The following CACNA1H variants were observed in gnomAD, a reference collection of about 807,000 sequenced individuals.
The protein encoded by CACNA1H is calcium voltage-gated channel subunit alpha1 H.
CACNA1H carries 149 observed loss-of-function variants against 192.5 expected under a neutral mutation model. That is an observed-to-expected ratio of 0.77 (90% CI 0.68 to 0.89). CACNA1H has a LOEUF of 0.89. Ranked by LOEUF, CACNA1H falls within the 40% of genes least tolerant of loss-of-function variation. The pLI, the probability that CACNA1H is intolerant of heterozygous loss-of-function variation, is 0.00. For missense variants in CACNA1H, 4,257 were observed against 3,423.5 expected (o/e 1.24, Z -6.08); for synonymous variants, 2,202 against 1,475.2 (o/e 1.49, Z -11.29).
intron 11 of CACNA1H, 120 bp downstream of exon 11, chr16:1,205,385 C>T (rs1968567109): frequency 2.6e-6 from 3 of 1,136,330 alleles, no homozygotes; most frequent in African/African-American, 1.6e-5. Context: ...CTCTTTATGA[C>T]AGGCCGTGGG....
chr16:1,218,919 G>A, intron 33 of CACNA1H, 51 bp from the exon 34 acceptor site: 2 of 1,538,124 alleles, frequency 1.3e-6, no homozygotes, highest in Non-Finnish European at 1.8e-6. Context: ...GGTGGCAGCT[G>A]GGCAGGAAGG....
chr16:1,197,563 C>T (rs1967134709), intron 5 of CACNA1H, among the ~76,000 whole-genome samples: 1 of 152,352 alleles, frequency 6.6e-6, no homozygotes, highest in African/African-American at 2.4e-5. Context: ...ACGCTCAGGG[C>T]TGCATCCTGT....
At chr16:1,187,279 C>A (rs879885670) in intron 2 of CACNA1H, among the ~76,000 whole-genome samples, 23 of 152,228 alleles carry the variant, frequency 1.5e-4, no homozygotes, top group African/African-American at 5.3e-4. Flanking sequence ...GCCTTGGCAC[C>A]CTCTACCCAG....
intron 2 of CACNA1H, among the ~76,000 whole-genome samples, chr16:1,189,729 C>T (rs1490307994): frequency 6.6e-6 from 1 of 152,064 alleles, no homozygotes; most frequent in Non-Finnish European, 1.5e-5. Flanking sequence ...AGCCTGAGAG[C>T]ACTGATTATA....
Position 1,202,155 on chromosome 16 carries a change from G to C in CACNA1H, c.1705G>C (p.Ala569Pro). 1.3e-6 allele frequency: 2 copies of C among 1,550,738 alleles called. No homozygotes were observed. The highest frequency in any genetic ancestry group is 8.7e-7 in the Non-Finnish European group (1 of 1,147,648). ...TTCCCCAGGCCGCGGACCCCCCGAC[G>C]CAGAGTCTGTGCACAGCATCTACCA... ...PPSPGRGPPDAESVHSIYHAD... is the reference protein window; with the variant it reads ...PPSPGRGPPDPESVHSIYHAD... Residue 569 changes from alanine to proline, a missense_variant, in exon 9 of 35, where the codon GCA becomes CCA. By Grantham distance (27) the Ala-to-Pro change is conservative. Coordinates refer to ENST00000348261, the MANE Select transcript of CACNA1H (RefSeq NM_021098.3).
chr16:1,221,736 C>T lies in CACNA1H; in HGVS notation c.*742C>T, dbSNP rs943871168. On this transcript the variant is annotated 3_prime_UTR_variant, in exon 35 of 35. Coordinates refer to ENST00000348261, the MANE Select transcript of CACNA1H (RefSeq NM_021098.3). The stretch of plus-strand genomic sequence containing the variant: ...AGCTTCTCAAGGGAGAGGGAGGGGG[C>T]GGAGCGGAATAAATAGTAACTTATT... 45 of 1,490,610 alleles carry T rather than the reference C, an allele frequency of 3.0e-5. No individual in the cohort carries two copies. The highest frequency in any genetic ancestry group is 8.3e-5 in the African/African-American group (6 of 72,346). 92.3% of individuals were successfully genotyped at this position (1,490,610 alleles called of 1,614,324 possible).
chr16:1,170,770 C>T (rs1388386499), intron 2 of CACNA1H, among the ~76,000 whole-genome samples: 1 of 152,184 alleles, frequency 6.6e-6, no homozygotes, highest in Non-Finnish European at 1.5e-5. Context: ...GGCCAGGAGA[C>T]CAGGGCATGA....
At chr16:1,184,486 T>C (rs1965785283) in intron 2 of CACNA1H, among the ~76,000 whole-genome samples, 1 of 152,248 alleles carries the variant, frequency 6.6e-6, no homozygotes, top group South Asian at 2.1e-4. Flanking sequence ...CCTGGGCTGC[T>C]CGTTTCCCGG....
intron 2 of CACNA1H, chr16:1,159,435 G>C (rs1190907595): frequency 6.6e-6 from 1 of 152,604 alleles, no homozygotes; most frequent in African/African-American, 2.4e-5. Context: ...TGAGAGGGAG[G>C]GTGAGGGGCA....
chr16:1,196,017 G>A lies in CACNA1H; in HGVS notation c.637G>A (p.Val213Met), dbSNP rs772154386. The change falls in exon 5 of 35, where the codon GTG becomes ATG. Residue 213 changes from valine (V) to methionine (M), a missense_variant. Coordinates refer to ENST00000348261, the MANE Select transcript of CACNA1H (RefSeq NM_021098.3). ...GCGGCCCCTCCGCGCCATCAACCGC[G>A]TGCCTAGTAAGTGACCGGCCCCGAC... ...VLRPLRAINR[V>M]PSMRILVTLL... 9.9e-6 allele frequency: 16 copies of A among 1,612,236 alleles called. No individual in the cohort carries two copies. Among genetic ancestry groups the A allele is most frequent in the African/African-American group, 8.0e-5 (6 of 74,936 alleles).
rs551130266 is a variant in CACNA1H, at chr16:1,212,464, G to A, written c.4760-47G>A. ...GGAGAGCAGGGAGGGCTCCAGGCCCGAGTGCGCCACGCCCTCGGCCCTCAG... is the reference window on the plus strand; with the variant it reads ...GGAGAGCAGGGAGGGCTCCAGGCCCAAGTGCGCCACGCCCTCGGCCCTCAG... On this transcript the variant is annotated intron_variant, in intron 25 of 34. Coordinates refer to ENST00000348261, the MANE Select transcript of CACNA1H (RefSeq NM_021098.3). 3.2e-5 allele frequency: 51 copies of A among 1,584,588 alleles called. 1 individual carries two copies. In the South Asian group the frequency reaches 4.2e-4, roughly 13 times the overall value.
chr16:1,182,591 C>T (rs537855438), intron 2 of CACNA1H, among the ~76,000 whole-genome samples: 1 of 152,300 alleles, frequency 6.6e-6, no homozygotes, highest in Non-Finnish European at 1.5e-5. Context: ...GCGGCTGGCT[C>T]CGGCCACGTT....
At chr16:1,165,072 G>A (rs776594968) in intron 2 of CACNA1H, among the ~76,000 whole-genome samples, 1 of 152,298 alleles carries the variant, frequency 6.6e-6, no homozygotes, top group East Asian at 1.9e-4. Flanking sequence ...TCACCTGACC[G>A]GGGCAAGGAG....
chr16:1,158,478 C>G (rs975591674), intron 2 of CACNA1H, among the ~76,000 whole-genome samples: 4 of 152,182 alleles, frequency 2.6e-5, no homozygotes, highest in Non-Finnish European at 4.4e-5. Context: ...GAGCGCCTGT[C>G]GTAGTCATTC....
At position 1,213,532 on chromosome 16, in the gene CACNA1H, C is replaced by T. The variant is rs566613658; in HGVS notation, c.4778-248C>T. Among the ~76,000 whole-genome samples the T allele has an allele frequency of 3.9e-5, 6 of 152,174 alleles. No individual in the cohort carries two copies. The East Asian group carries it at 5.8e-4, about 15-fold the overall frequency. ...CCCGAAGGCCTGCTCCAGCCCAGGCCTCCTGGCCTAGCCAGCTCCCCAGGG... is the reference window on the plus strand; with the variant it reads ...CCCGAAGGCCTGCTCCAGCCCAGGCTTCCTGGCCTAGCCAGCTCCCCAGGG... On this transcript the variant is annotated intron_variant, in intron 26 of 34. Transcript: ENST00000348261.
intron 2 of CACNA1H, among the ~76,000 whole-genome samples, chr16:1,181,925 A>G (rs1003865216): frequency 1.3e-5 from 2 of 151,726 alleles, no homozygotes; most frequent in African/African-American, 4.9e-5. Context: ...TCACACATGC[A>G]TGTCCCCTTT....
chr16:1,195,291 C>T lies in CACNA1H; in HGVS notation c.412-141C>T, dbSNP rs1362723957. ...GCGAGGTTCAAGGCGAGGCAGGGCT[C>T]AGTTCCTGGGGCTCAGGGCGGGGCA... On this transcript the variant is annotated intron_variant, in intron 3 of 34. Coordinates refer to ENST00000348261, the MANE Select transcript of CACNA1H (RefSeq NM_021098.3). 1.6e-4 allele frequency: 148 copies of T among 948,096 alleles called. 1 individual carries two copies. Among genetic ancestry groups the T allele is most frequent in the Admixed American group, 5.7e-4 (20 of 34,822 alleles). 58.7% of individuals were successfully genotyped at this position (948,096 alleles called of 1,614,324 possible).
Position 1,210,929 on chromosome 16 carries a change from T to C in CACNA1H, c.4181T>C (p.Val1394Ala). 1 of 1,601,978 alleles carries C rather than the reference T, an allele frequency of 6.2e-7. No individual in the cohort carries two copies. Among genetic ancestry groups the C allele is most frequent in the Non-Finnish European group, 8.5e-7 (1 of 1,179,648 alleles). Residue 1394 changes from valine to alanine, a missense_variant, in exon 21 of 35, where the codon GTT (valine) becomes GCT (alanine). Val to Ala is a moderately conservative substitution (Grantham distance 64). Transcript: ENST00000348261. ...ASAGGAKILG[V>A]LRVLRLLRTL... ...GCTGGTGGCGCCAAGATCCTGGGTG[T>C]TCTGCGCGTGCTGCGTCTGCTGCGG...
intron 2 of CACNA1H, among the ~76,000 whole-genome samples, chr16:1,168,861 C>A (rs986181252): frequency 6.6e-6 from 1 of 152,006 alleles, no homozygotes; most frequent in Non-Finnish European, 1.5e-5. Context: ...CTCCTCAGCC[C>A]GCTCCCCACT....
Sources: gnomAD v4.1 joint callset for allele counts (sites outside exome capture counted in the v4.1 genomes callset) on GRCh38, gnomAD v4.1.1 for gene constraint, MANE v1.5 for transcripts, NCBI Gene and HGNC (gene_info 2026-07-23, HGNC 2026-07-21) for gene names.